Variants in AGAP1 observed in about 807,000 individuals in gnomAD.
The protein encoded by AGAP1 is ArfGAP with GTPase domain, ankyrin repeat and PH domain 1, also known as arf-GAP with GTPase, ANK repeat and PH domain-containing protein 1.
AGAP1 carries 29 observed loss-of-function variants against 105.3 expected under a neutral mutation model. That is an observed-to-expected ratio of 0.28 (90% CI 0.21 to 0.38). AGAP1 has a LOEUF of 0.38. Among genes scored for constraint, AGAP1 ranks in the 10% least tolerant of loss-of-function variants. The probability of loss-of-function intolerance (pLI) is 1.00; values close to 1 mark genes in which losing one functional copy is unlikely to be tolerated. For missense variants in AGAP1, 998 were observed against 1,165.1 expected (o/e 0.86, Z 2.09); for synonymous variants, 509 against 485.9 (o/e 1.05, Z -0.63).
At chr2:236,034,996 G>T (rs1277421852) in intron 13 of AGAP1, among the ~76,000 whole-genome samples, 3 of 152,160 alleles carry the variant, frequency 2.0e-5, no homozygotes, top group African/African-American at 7.2e-5. Flanking sequence ...AGAAAGGAGT[G>T]GGGAAAGGGT....
rs1055905316 is a variant in AGAP1 at position 235,733,584 on chromosome 2, A to G, written c.311-7379A>G. Among the ~76,000 whole-genome samples, 2 of 152,222 alleles carry G rather than the reference A, an allele frequency of 1.3e-5. No homozygotes were observed. Among genetic ancestry groups the G allele is most frequent in the African/African-American group, 4.8e-5 (2 of 41,464 alleles). On this transcript the variant is annotated intron_variant, in intron 3 of 17. Coordinates refer to ENST00000304032, the MANE Select transcript of AGAP1 (RefSeq NM_001037131.3). This position sits in a 1 kb window ranked among gnomAD's most constrained non-coding sequence, Gnocchi z 5.0. ...GGAAATTCAGTTATAGTGAAGTTCT[A>G]ATCTGCCATCTTAACCTGGAGTTTG...
intron 1 of AGAP1, among the ~76,000 whole-genome samples, chr2:235,496,676 C>G (rs1941332267): frequency 6.6e-6 from 1 of 152,144 alleles, no homozygotes; most frequent in South Asian, 2.1e-4. Flanking sequence ...ATTCTTGAAG[C>G]TGAGCTCTGG....
intron 6 of AGAP1, among the ~76,000 whole-genome samples, chr2:235,786,622 A>G (rs1467441688): frequency 6.6e-6 from 1 of 152,180 alleles, no homozygotes; most frequent in Non-Finnish European, 1.5e-5. Context: ...TTGTAGGGGT[A>G]ATTATTTTTG....
At position 236,127,499 on chromosome 2, in the gene AGAP1, G is replaced by A. The variant is rs959083317; in HGVS notation, c.*3377G>A. Reference sequence around the variant, plus strand: ...GGGTTCTCAGACACAGGAGAGAGCGGGATCTTAATGAATTGCATTTCCTGC... The same window carrying A: ...GGGTTCTCAGACACAGGAGAGAGCGAGATCTTAATGAATTGCATTTCCTGC... On this transcript the variant is annotated 3_prime_UTR_variant, in exon 18 of 18. Coordinates refer to ENST00000304032, the MANE Select transcript of AGAP1 (RefSeq NM_001037131.3). This position sits in a 1 kb window ranked among gnomAD's most constrained non-coding sequence, Gnocchi z 6.6. The A allele has an allele frequency of 9.8e-5, 15 of 152,302 alleles. No individual in the cohort carries two copies. Among genetic ancestry groups the A allele is most frequent in the Non-Finnish European group, 1.9e-4 (13 of 68,128 alleles). 9.4% of individuals were successfully genotyped at this position (152,302 alleles called of 1,614,324 possible).
chr2:235,871,712 CTG>C (rs1275104838), intron 9 of AGAP1, among the ~76,000 whole-genome samples: 1 of 152,238 alleles, frequency 6.6e-6, no homozygotes, highest in African/African-American at 2.4e-5. Flanking sequence ...TCTTATAACA[CTG>C]TGGCTGAGAC....
chr2:235,821,841 A>T (rs1958806147), intron 9 of AGAP1, among the ~76,000 whole-genome samples: 1 of 152,204 alleles, frequency 6.6e-6, no homozygotes, highest in African/African-American at 2.4e-5. Flanking sequence ...AAATTCCTCA[A>T]GTCTTATGTC....
chr2:236,127,558 T>A lies in AGAP1; in HGVS notation c.*3436T>A, dbSNP rs2060022605. The A allele has an allele frequency of 6.6e-6, 1 of 152,224 alleles. No homozygotes were observed. The highest frequency in any genetic ancestry group is 1.5e-5 in the Non-Finnish European group (1 of 68,060). The allele number at this position is 152,224 out of a possible 1,614,324, so 9.4% of individuals were successfully genotyped here. A position where few individuals can be genotyped will look rare whatever the true frequency, so the allele number is the denominator to read the frequency against. On this transcript the variant is annotated 3_prime_UTR_variant, in exon 18 of 18. Transcript: ENST00000304032. The surrounding 1 kb of genome is among the most constrained non-coding windows in gnomAD (Gnocchi z 6.6). ...TAGTGCACAGGCCAGTTCTCGGCAGTGGCTTTTCAGCACAAGGGCCTTGCA... is the reference window on the plus strand; with the variant it reads ...TAGTGCACAGGCCAGTTCTCGGCAGAGGCTTTTCAGCACAAGGGCCTTGCA...
chr2:235,726,011 A>G (rs914340089), intron 3 of AGAP1, among the ~76,000 whole-genome samples: 1 of 152,238 alleles, frequency 6.6e-6, no homozygotes, highest in African/African-American at 2.4e-5. Context: ...TGAAATTGGC[A>G]GGACAAAGTG....
intron 6 of AGAP1, among the ~76,000 whole-genome samples, chr2:235,766,907 ATT>A (rs71036292): frequency 0.033 from 3,605 of 109,858 alleles, 142 homozygotes; most frequent in African/African-American, 0.11. Context: ...ACACCGGCTA[ATT>A]TTTTTTTTTT....
intron 1 of AGAP1, among the ~76,000 whole-genome samples, chr2:235,523,822 C>A (rs1942720266): frequency 6.6e-6 from 1 of 150,904 alleles, no homozygotes; most frequent in East Asian, 2.0e-4. Context: ...GGGAGTGACC[C>A]TGCTTGGACG....
intron 13 of AGAP1, among the ~76,000 whole-genome samples, chr2:236,031,434 G>A (rs1486362970): frequency 6.6e-6 from 1 of 152,172 alleles, no homozygotes; most frequent in East Asian, 1.9e-4. Flanking sequence ...TTCTCCAGGA[G>A]CCTGGAGCCA....
chr2:235,938,176 C>G (rs2053081618), intron 12 of AGAP1, among the ~76,000 whole-genome samples: 1 of 152,262 alleles, frequency 6.6e-6, no homozygotes, highest in Non-Finnish European at 1.5e-5. Flanking sequence ...TTGCCAGGCA[C>G]AGGCCCCCAG....
chr2:235,677,281 G>A (rs566716157), intron 1 of AGAP1, among the ~76,000 whole-genome samples: 3 of 152,262 alleles, frequency 2.0e-5, no homozygotes, highest in African/African-American at 7.2e-5. Flanking sequence ...AAGACTCAAA[G>A]CTTACCAGAC....
In AGAP1 at chr2:236,123,739, C is replaced by A. The variant is rs893873533; in HGVS notation, c.2371-180C>A. Among the ~76,000 whole-genome samples, 1 of 152,164 alleles carries A rather than the reference C, an allele frequency of 6.6e-6. No individual in the cohort carries two copies. Among genetic ancestry groups the A allele is most frequent in the East Asian group, 1.9e-4 (1 of 5,192 alleles). ...GACATGTTCTTTCCTTAAAAGAATCCGCTGGCCACGGGTGCAGGCTGTGCC... is the reference window on the plus strand; with the variant it reads ...GACATGTTCTTTCCTTAAAAGAATCAGCTGGCCACGGGTGCAGGCTGTGCC... On this transcript the variant is annotated intron_variant, in intron 17 of 17. Coordinates refer to ENST00000304032, the MANE Select transcript of AGAP1 (RefSeq NM_001037131.3). The surrounding 1 kb of genome is among the most constrained non-coding windows in gnomAD (Gnocchi z 4.6).
chr2:235,652,418 A>G (rs1325897573), intron 1 of AGAP1, among the ~76,000 whole-genome samples: 2 of 152,116 alleles, frequency 1.3e-5, no homozygotes, highest in Non-Finnish European at 2.9e-5. Flanking sequence ...TCAGCCTCCA[A>G]GAGCCACCCT....
At chr2:236,112,139 G>A (rs977281954) in intron 16 of AGAP1, among the ~76,000 whole-genome samples, 1 of 152,192 alleles carries the variant, frequency 6.6e-6, no homozygotes, top group African/African-American at 2.4e-5. Context: ...CTGGAGGCCA[G>A]GCGTGGTGGC....
At chr2:235,528,732 A>G (rs1371870843) in intron 1 of AGAP1, among the ~76,000 whole-genome samples, 2 of 152,132 alleles carry the variant, frequency 1.3e-5, no homozygotes, top group Non-Finnish European at 2.9e-5. Flanking sequence ...GCTGGAGTGC[A>G]GTGGCGTGAT....
At chr2:235,597,492 C>G (rs1945564422) in intron 1 of AGAP1, among the ~76,000 whole-genome samples, 1 of 152,216 alleles carries the variant, frequency 6.6e-6, no homozygotes, top group African/African-American at 2.4e-5. Context: ...GAGCTTCAGA[C>G]TAGTTGACCC....
intron 1 of AGAP1, among the ~76,000 whole-genome samples, chr2:235,686,791 C>G (rs911446715): frequency 1.3e-5 from 2 of 149,806 alleles, no homozygotes; most frequent in Non-Finnish European, 3.0e-5. Context: ...GTAGCTGAGA[C>G]TACAGACACA....
Sources: gnomAD v4.1 joint callset for allele counts (sites outside exome capture counted in the v4.1 genomes callset) on GRCh38, gnomAD v4.1.1 for gene constraint, Gnocchi (gnomAD v3.1) non-coding constraint, MANE v1.5 for transcripts, NCBI Gene and HGNC (gene_info 2026-07-23, HGNC 2026-07-21) for gene names.